Variants in CNOT6L observed in about 807,000 individuals in gnomAD.
The protein encoded by CNOT6L is CCR4-NOT transcription complex subunit 6-like.
A neutral mutation model predicts 64.0 loss-of-function variants in CNOT6L; 7 were observed. The observed-to-expected ratio is 0.11, with a 90% CI of 0.06 to 0.21. The LOEUF is 0.21. CNOT6L is among the 10% of genes least tolerant of loss of function. The pLI is 1.00. For synonymous variants in CNOT6L, 193 were observed against 243.4 expected, an observed-to-expected ratio of 0.79 and a Z score of 1.93; for missense variants, 245 against 669.0, an observed-to-expected ratio of 0.37 and a Z score of 6.99.
At chr4:77,820,015 A>G (rs1185539153), upstream of CNOT6L, among the ~76,000 whole-genome samples, 2 of 151,952 alleles carry the variant, frequency 1.3e-5, no homozygotes, top group Non-Finnish European at 2.9e-5. Flanking sequence ...AGCCACGCAG[A>G]GCCTGGCCTT....
intron 1 of CNOT6L, among the ~76,000 whole-genome samples, chr4:77,803,302 A>C (rs1731816136): frequency 6.6e-6 from 1 of 152,198 alleles, no homozygotes; most frequent in Non-Finnish European, 1.5e-5. Flanking sequence ...AAATGACAAA[A>C]ATTAATTATG....
At chr4:77,801,165 A>C (rs539255685) in intron 1 of CNOT6L, among the ~76,000 whole-genome samples, 26 of 152,330 alleles carry the variant, frequency 1.7e-4, no homozygotes, top group Non-Finnish European at 3.1e-4. Flanking sequence ...CTCTGACCCT[A>C]CGTGAAAGCA....
At chr4:77,774,468 T>A (rs964656801) in intron 3 of CNOT6L, 62 bp downstream of exon 3, 7 of 1,272,216 alleles carry the variant, frequency 5.5e-6, no homozygotes, top group African/African-American at 4.5e-5. Context: ...TAAAGTAACA[T>A]CCCCTCATTT....
intron 8 of CNOT6L, among the ~76,000 whole-genome samples, chr4:77,737,266 A>G (rs1403363181): frequency 6.6e-6 from 1 of 152,208 alleles, no homozygotes; most frequent in Non-Finnish European, 1.5e-5. Flanking sequence ...TACTATATTC[A>G]GTATAAAATG....
In CNOT6L at chr4:77,715,994, C is replaced by CT. The variant is rs1160682604; in HGVS notation, c.*4436dup. The CT allele has an allele frequency of 6.6e-6, 1 of 152,508 alleles. No individual in the cohort carries two copies. The highest frequency in any genetic ancestry group is 6.6e-5 in the Admixed American group (1 of 15,258). The allele number at this position is 152,508 out of a possible 1,614,324, so 9.4% of individuals were successfully genotyped here. On this transcript the variant is annotated 3_prime_UTR_variant, in exon 12 of 12. Coordinates refer to ENST00000504123, the MANE Select transcript of CNOT6L (RefSeq NM_144571.3). ...TTCTCATCTGCCTACAAATTTAAAACTTTAGTTCAAGCTTCTGGCTTCCCT... is the reference window on the plus strand; with the variant it reads ...TTCTCATCTGCCTACAAATTTAAAACTTTTAGTTCAAGCTTCTGGCTTCCCT...
At chr4:77,755,382 G>C (rs1725448778) in intron 5 of CNOT6L, among the ~76,000 whole-genome samples, 1 of 151,698 alleles carries the variant, frequency 6.6e-6, no homozygotes. Context: ...ACACCTGGCT[G>C]ATTTTTTGTA....
intron 5 of CNOT6L, among the ~76,000 whole-genome samples, chr4:77,752,370 T>A (rs1724953484): frequency 6.6e-6 from 1 of 152,152 alleles, no homozygotes; most frequent in African/African-American, 2.4e-5. Flanking sequence ...TAAGTACATC[T>A]AACACATTCA....
intron 1 of CNOT6L, among the ~76,000 whole-genome samples, chr4:77,782,509 ATTTTT>A (rs36169653): frequency 6.8e-6 from 1 of 148,064 alleles, no homozygotes; most frequent in African/African-American, 2.5e-5. Context: ...ATTTTATTTT[ATTTTT>A]TTTTTTAGTA....
rs1430170405 is a variant in CNOT6L, at chr4:77,715,947, C to G, written c.*4484G>C. On this transcript the variant is annotated 3_prime_UTR_variant, in exon 12 of 12. Coordinates refer to ENST00000504123, the MANE Select transcript of CNOT6L (RefSeq NM_144571.3). ...ATGCTATTACAAAATTAGAATCGCCCAAAGCAACCATAGTATAAAAGTTCT... is the reference window on the plus strand; with the variant it reads ...ATGCTATTACAAAATTAGAATCGCCGAAAGCAACCATAGTATAAAAGTTCT... 6.6e-6 allele frequency: 1 copy of G among 152,440 alleles called. No homozygotes were observed. Among genetic ancestry groups the G allele is most frequent in the East Asian group, 1.9e-4 (1 of 5,188 alleles). The allele number at this position is 152,440 out of a possible 1,614,324, so 9.4% of individuals were successfully genotyped here.
intron 5 of CNOT6L, among the ~76,000 whole-genome samples, chr4:77,755,064 T>A (rs964846261): frequency 6.6e-6 from 1 of 151,058 alleles, no homozygotes; most frequent in African/African-American, 2.4e-5. Flanking sequence ...AAAGACAAAT[T>A]AAGAGAACGA....
At chr4:77,764,977 T>C (rs1312431711) in intron 4 of CNOT6L, among the ~76,000 whole-genome samples, 2 of 152,170 alleles carry the variant, frequency 1.3e-5, no homozygotes, top group East Asian at 3.9e-4. Context: ...TGAGACCTAC[T>C]GGGCTGCATT....
At chr4:77,755,826 T>G (rs1349990978) in intron 5 of CNOT6L, among the ~76,000 whole-genome samples, 1 of 152,098 alleles carries the variant, frequency 6.6e-6, no homozygotes, top group African/African-American at 2.4e-5. Flanking sequence ...TTTTTCTAGC[T>G]GTTTCAGAAT....
intron 5 of CNOT6L, among the ~76,000 whole-genome samples, chr4:77,749,324 A>G (rs2109970027): frequency 6.6e-6 from 1 of 152,294 alleles, no homozygotes; most frequent in Middle Eastern, 3.4e-3. Context: ...TGACAGACAA[A>G]TCATCCAGCT....
chr4:77,718,648 A>T lies in CNOT6L; in HGVS notation c.*1783T>A. The stretch of plus-strand genomic sequence containing the variant: ...AGGCTTTACAGAACCCTTCTGATGC[A>T]ATCCCATGTATGATATGACATCATC... On this transcript the variant is annotated 3_prime_UTR_variant, in exon 12 of 12. Transcript: ENST00000504123. 6.6e-6 allele frequency: 1 copy of T among 152,564 alleles called. No homozygotes were observed. Among genetic ancestry groups the T allele is most frequent in the East Asian group, 1.9e-4 (1 of 5,190 alleles). The allele number at this position is 152,564 out of a possible 1,614,324, so 9.5% of individuals were successfully genotyped here.
Position 77,715,247 on chromosome 4 carries a change from AG to A in CNOT6L, c.*5183del, listed in dbSNP as rs1437240205. Reference sequence around the variant, plus strand: ...GACCATGCTACCACCATGCCAAAAGAGTCATATCACTTGGCATTTGTATATC... The same window carrying A: ...GACCATGCTACCACCATGCCAAAAGATCATATCACTTGGCATTTGTATATC... On this transcript the variant is annotated 3_prime_UTR_variant, in exon 12 of 12. Transcript: ENST00000504123. The A allele has an allele frequency of 6.6e-6, 1 of 152,144 alleles. No homozygotes were observed. Among genetic ancestry groups the A allele is most frequent in the Non-Finnish European group, 1.5e-5 (1 of 68,010 alleles). The allele number at this position is 152,144 out of a possible 1,614,324, so 9.4% of individuals were successfully genotyped here.
At chr4:77,773,321 A>G (rs1006618541) in intron 3 of CNOT6L, among the ~76,000 whole-genome samples, 155 bp from the exon 4 acceptor site, 4 of 152,226 alleles carry the variant, frequency 2.6e-5, no homozygotes, top group African/African-American at 7.2e-5. Flanking sequence ...GCACAATATA[A>G]AAGTACTACA....
chr4:77,722,155 G>A (rs1249124981), intron 11 of CNOT6L, among the ~76,000 whole-genome samples: 1 of 152,116 alleles, frequency 6.6e-6, no homozygotes. Context: ...TTTAGAAAAT[G>A]AGTTACAAGG....
intron 1 of CNOT6L, among the ~76,000 whole-genome samples, chr4:77,817,635 C>G (rs1410119600): frequency 6.6e-6 from 1 of 152,352 alleles, no homozygotes; most frequent in East Asian, 1.9e-4. Context: ...AGCTGGGAGG[C>G]TAACTGAAGT....
chr4:77,787,077 C>T (rs919509315), intron 1 of CNOT6L, among the ~76,000 whole-genome samples: 1 of 151,906 alleles, frequency 6.6e-6, no homozygotes, highest in Non-Finnish European at 1.5e-5. Flanking sequence ...ACCGGCCTGG[C>T]CAACATGGCG....
Sources: gnomAD v4.1 joint callset for allele counts (sites outside exome capture counted in the v4.1 genomes callset) on GRCh38, gnomAD v4.1.1 for gene constraint, MANE v1.5 for transcripts, NCBI Gene and HGNC (gene_info 2026-07-23, HGNC 2026-07-21) for gene names.